NOL4: variants seen among roughly 807,000 people sequenced by gnomAD.
The protein encoded by NOL4 is nucleolar protein 4.
In NOL4, 17 loss-of-function variants were observed where a neutral mutation model predicts 75.9. That is an observed-to-expected ratio of 0.22 (90% CI 0.15 to 0.34). The LOEUF is 0.34. NOL4 is among the 10% of genes least tolerant of loss of function. The probability of loss-of-function intolerance (pLI) is 1.00; values close to 1 mark genes in which losing one functional copy is unlikely to be tolerated. For synonymous variants in NOL4, 292 were observed against 289.9 expected, an observed-to-expected ratio of 1.01 and a Z score of -0.07; for missense variants, 614 against 793.5, an observed-to-expected ratio of 0.77 and a Z score of 2.72.
chr18:33,982,472 T>C (rs1030935215), intron 6 of NOL4, among the ~76,000 whole-genome samples: 1 of 152,128 alleles, frequency 6.6e-6, no homozygotes. Context: ...AATAAGGATA[T>C]TACTTAATGA....
chr18:33,863,189 C>T (rs963385564), intron 10 of NOL4, among the ~76,000 whole-genome samples: 5 of 151,872 alleles, frequency 3.3e-5, no homozygotes, highest in Admixed American at 6.6e-5. Flanking sequence ...CCAAACACCA[C>T]ATATTCTCAC....
chr18:34,135,808 T>C (rs72961205), intron 1 of NOL4, among the ~76,000 whole-genome samples: 8,569 of 149,666 alleles, frequency 0.057, 318 homozygotes, highest in Non-Finnish European at 0.084. Flanking sequence ...TTTAAAGCAA[T>C]AGGTGACAAA....
chr18:34,029,945 AC>A (rs1270727651), intron 5 of NOL4, among the ~76,000 whole-genome samples: 2 of 152,212 alleles, frequency 1.3e-5, no homozygotes, highest in Non-Finnish European at 2.9e-5. Flanking sequence ...AGTAAATTAA[AC>A]CAGGAAAAAG....
At chr18:34,137,245 A>C (rs562790493) in intron 1 of NOL4, among the ~76,000 whole-genome samples, 1 of 152,290 alleles carries the variant, frequency 6.6e-6, no homozygotes, top group East Asian at 1.9e-4. Flanking sequence ...CAAAGTCCTC[A>C]TAACTGTCAA....
intron 9 of NOL4, among the ~76,000 whole-genome samples, chr18:33,903,611 C>A (rs1175324937): frequency 6.6e-6 from 1 of 152,060 alleles, no homozygotes. Flanking sequence ...TTTCATGAGA[C>A]ACAGGGATAG....
chr18:34,090,686 C>A (rs2078471277), intron 5 of NOL4, among the ~76,000 whole-genome samples: 1 of 151,696 alleles, frequency 6.6e-6, no homozygotes, highest in African/African-American at 2.4e-5. Context: ...TGTCCTTAAA[C>A]ATTAGCGTTG....
At chr18:34,159,414 G>C (rs1440420340) in intron 1 of NOL4, among the ~76,000 whole-genome samples, 1 of 152,186 alleles carries the variant, frequency 6.6e-6, no homozygotes, top group Non-Finnish European at 1.5e-5. Flanking sequence ...ACCCGAGCAT[G>C]AGCTTGGGTC....
intron 8 of NOL4, among the ~76,000 whole-genome samples, chr18:33,953,008 A>G (rs1179540267): frequency 6.6e-6 from 1 of 152,114 alleles, no homozygotes; most frequent in African/African-American, 2.4e-5. Context: ...GCAAAGGCAG[A>G]TTTATCATAA....
chr18:34,063,128 A>T (rs1408677228), intron 5 of NOL4, among the ~76,000 whole-genome samples: 1 of 152,060 alleles, frequency 6.6e-6, no homozygotes, highest in African/African-American at 2.4e-5. Flanking sequence ...TATGGATGAA[A>T]GATGAAAAAC....
chr18:34,222,193 T>C, intron 1 of NOL4: 1 of 1,465,336 alleles, frequency 6.8e-7, no homozygotes, highest in Non-Finnish European at 9.0e-7. Flanking sequence ...TCGCGGCGCC[T>C]GGGCTAGAGC....
intron 5 of NOL4, among the ~76,000 whole-genome samples, chr18:34,030,431 T>C (rs1020407029): frequency 2.6e-5 from 4 of 152,014 alleles, no homozygotes; most frequent in African/African-American, 7.3e-5. Context: ...AGATTCTAAG[T>C]AAATTCCTCA....
intron 9 of NOL4, among the ~76,000 whole-genome samples, chr18:33,920,574 T>G (rs2066976895): frequency 6.6e-6 from 1 of 152,208 alleles, no homozygotes; most frequent in African/African-American, 2.4e-5. Flanking sequence ...GGAAAATGTT[T>G]CAGATAGCAT....
At chr18:33,992,982 T>C (rs536180018) in intron 6 of NOL4, among the ~76,000 whole-genome samples, 13 of 152,070 alleles carry the variant, frequency 8.5e-5, no homozygotes, top group African/African-American at 2.9e-4. Flanking sequence ...AAAAACTAAA[T>C]AGAGGTTTTA....
chr18:34,047,248 C>CT (rs2076421248), intron 5 of NOL4, among the ~76,000 whole-genome samples: 1 of 152,108 alleles, frequency 6.6e-6, no homozygotes, highest in African/African-American at 2.4e-5. Flanking sequence ...GAAATTAAAA[C>CT]AGCACACTTC....
rs931268321 is a variant in NOL4, at chr18:34,212,275, TGA to T, written c.264+10713_264+10714del. Among the ~76,000 whole-genome samples the T allele has an allele frequency of 7.2e-4, 110 of 152,268 alleles. 1 individual carries two copies. Among genetic ancestry groups the T allele is most frequent in the African/African-American group, 2.5e-3 (104 of 41,570 alleles). ...GTCACTAAATATGTCAAATAATCTG[TGA>T]GAGCTTACATCTTTTACTAAATTAT... On this transcript the variant is annotated intron_variant, in intron 1 of 10. Transcript: ENST00000261592.
At chr18:34,098,140 A>T (rs2078878008) in intron 4 of NOL4, among the ~76,000 whole-genome samples, 1 of 152,166 alleles carries the variant, frequency 6.6e-6, no homozygotes, top group Non-Finnish European at 1.5e-5. Context: ...CCTTACATGC[A>T]TGCTGCTCCT....
intron 9 of NOL4, among the ~76,000 whole-genome samples, chr18:33,890,456 A>T (rs1176435785): frequency 6.6e-6 from 1 of 152,108 alleles, no homozygotes; most frequent in Non-Finnish European, 1.5e-5. Context: ...TGCCCGAGGT[A>T]ATTTATAGAT....
intron 10 of NOL4, among the ~76,000 whole-genome samples, chr18:33,871,315 C>T (rs1232987962): frequency 6.6e-6 from 1 of 152,084 alleles, no homozygotes; most frequent in Middle Eastern, 3.4e-3. Flanking sequence ...TGCAAACAAG[C>T]TTGGTTCCTA....
intron 9 of NOL4, among the ~76,000 whole-genome samples, chr18:33,915,852 CTT>C (rs1357187489): frequency 6.6e-6 from 1 of 152,132 alleles, no homozygotes; most frequent in Non-Finnish European, 1.5e-5. Flanking sequence ...GTCAATTCCT[CTT>C]TGGTGCTTAC....
Sources: allele counts gnomAD v4.1 joint callset (sites outside exome capture counted in the v4.1 genomes callset), GRCh38; gene constraint gnomAD v4.1.1; transcripts MANE v1.5; gene names NCBI Gene and HGNC (gene_info 2026-07-23, HGNC 2026-07-21).